The following BYSL variants were observed in gnomAD, a reference collection of about 807,000 sequenced individuals.
The protein encoded by BYSL is bystin like.
A neutral mutation model predicts 45.4 loss-of-function variants in BYSL; 21 were observed. The ratio of observed to expected loss-of-function variants is 0.46; its 90% CI spans 0.33 to 0.67. The LOEUF (loss-of-function observed/expected upper bound fraction) is 0.67, where lower values mean the gene tolerates loss of function less well. Among genes scored for constraint, BYSL ranks in the 30% least tolerant of loss-of-function variants. The pLI is 0.02. For synonymous variants in BYSL, 215 were observed against 231.3 expected (o/e 0.93, Z 0.64); for missense variants, 522 against 578.5 (o/e 0.90, Z 1.00).
At chr6:41,909,918 T>C in the BYSL span, among the ~76,000 whole-genome samples, 1 of 152,176 alleles carries the variant, frequency 6.6e-6, no homozygotes, top group Non-Finnish European at 1.5e-5. Flanking sequence ...GTAACAGCAT[T>C]TGGGCATGCC....
At chr6:41,925,070 C>G (rs1013975397) in intron 1 of BYSL, among the ~76,000 whole-genome samples, 4 of 151,966 alleles carry the variant, frequency 2.6e-5, no homozygotes, top group Non-Finnish European at 5.9e-5. Flanking sequence ...TAGTTGATAA[C>G]GGGTGAGATT....
the BYSL span, among the ~76,000 whole-genome samples, chr6:41,910,938 G>A: frequency 2.1e-4 from 32 of 151,598 alleles, no homozygotes; most frequent in East Asian, 3.4e-3. Context: ...GTAAAACCTC[G>A]TGTCTACTAA....
chr6:41,930,044 G>A, intron 2 of BYSL, 88 bp from the exon 3 acceptor site: 1 of 1,530,162 alleles, frequency 6.5e-7, no homozygotes, highest in Non-Finnish European at 9.0e-7. Flanking sequence ...TGCTCACAGG[G>A]GACTGTGGGG....
At chr6:41,916,401 G>A in the BYSL span, among the ~76,000 whole-genome samples, 2 of 152,080 alleles carry the variant, frequency 1.3e-5, no homozygotes, top group Non-Finnish European at 2.9e-5. Flanking sequence ...CCCACACAGA[G>A]AAACCCCATA....
At chr6:41,930,807 G>A (rs373193642) in intron 4 of BYSL, 39 bp downstream of exon 4, 119 of 1,590,726 alleles carry the variant, frequency 7.5e-5, no homozygotes, top group Non-Finnish European at 1.0e-4. Flanking sequence ...GGGTTTATAG[G>A]TGCAGGCTGA....
chr6:41,927,617 C>T, intron 2 of BYSL, 81 bp downstream of exon 2: 2 of 1,550,988 alleles, frequency 1.3e-6, no homozygotes, highest in Non-Finnish European at 1.8e-6. Context: ...CTTATGATTC[C>T]CTACCTTTGG....
upstream of BYSL, chr6:41,921,288 C>T: frequency 3.3e-6 from 2 of 611,000 alleles, no homozygotes; most frequent in Non-Finnish European, 5.6e-6. Flanking sequence ...CACTCTAGGC[C>T]TACATCCATG....
the BYSL span, chr6:41,909,242 CTGCTCCTAT>C: frequency 6.2e-7 from 1 of 1,607,186 alleles, no homozygotes; most frequent in East Asian, 2.2e-5. Flanking sequence ...TCAGAACATC[CTGCTCCTAT>C]TTTCACCAAG....
the BYSL span, chr6:41,908,841 T>C: frequency 2.6e-5 from 5 of 191,980 alleles, no homozygotes; most frequent in African/African-American, 9.3e-5. Flanking sequence ...AGAGGAAGCA[T>C]AGATGCCTTG....
upstream of BYSL, among the ~76,000 whole-genome samples, chr6:41,918,947 C>T (rs1775387745): frequency 9.5e-6 from 1 of 105,176 alleles, no homozygotes; most frequent in Non-Finnish European, 1.9e-5. Flanking sequence ...GAGCGAGACT[C>T]CGTCTCAAAA....
rs1306484809 is a variant in BYSL at position 41,925,629 on chromosome 6, C to T, written c.269-1745C>T. On this transcript the variant is annotated intron_variant, in intron 1 of 6. Transcript: ENST00000230340. ...CCGCCCGCCTTGGCCTCTCTAAGTG[C>T]TGGGATTACAGGCGTGAGCCACCGC... Among the ~76,000 whole-genome samples the T allele has an allele frequency of 2.0e-5, 3 of 151,946 alleles. No homozygotes were observed. The South Asian group carries it at 6.2e-4, about 32-fold the overall frequency.
rs541362943 is a variant in BYSL at position 41,927,247 on chromosome 6, C to T, written c.269-127C>T. 8 of 1,145,628 alleles carry T rather than the reference C, an allele frequency of 7.0e-6. No homozygotes were observed. In the South Asian group the frequency reaches 1.3e-4, roughly 18 times the overall value. The allele number at this position is 1,145,628 out of a possible 1,614,324, so 71.0% of individuals were successfully genotyped here. A position where few individuals can be genotyped will look rare whatever the true frequency, so the allele number is the denominator to read the frequency against. On this transcript the variant is annotated intron_variant, in intron 1 of 6. Transcript: ENST00000230340. ...GGACAGGGAGCTAATGCATTTGTTT[C>T]ACTGCACATACCTGCGTCTATCACA...
intron 2 of BYSL, among the ~76,000 whole-genome samples, chr6:41,929,416 T>C (rs1454088400): frequency 6.6e-6 from 1 of 152,176 alleles, no homozygotes; most frequent in African/African-American, 2.4e-5. Flanking sequence ...GAAGATCGCT[T>C]GAGCCAGAGA....
upstream of BYSL, among the ~76,000 whole-genome samples, chr6:41,918,846 C>G (rs887907159): frequency 6.7e-6 from 1 of 149,164 alleles, no homozygotes; most frequent in Non-Finnish European, 1.5e-5. Context: ...ACTCGGGAGG[C>G]TGAGGCAGGA....
At chr6:41,910,403 G>A in the BYSL span, among the ~76,000 whole-genome samples, 2 of 152,108 alleles carry the variant, frequency 1.3e-5, no homozygotes, top group East Asian at 1.9e-4. Flanking sequence ...AGGCTGAGGC[G>A]GGTGGATCAC....
At position 41,921,620 on chromosome 6, in the gene BYSL, G is replaced by T; in HGVS notation, c.58G>T (p.Ala20Ser). The T allele has an allele frequency of 6.2e-7, 1 of 1,612,518 alleles. No individual in the cohort carries two copies. The highest frequency in any genetic ancestry group is 8.5e-7 in the Non-Finnish European group (1 of 1,179,116). ...GGGTCAGGAAAAACATGCGCCCCTG[G>T]CCGATCAGATCCTGGCTGGGAATGC... The part of the protein sequence containing the change: ...VGGQEKHAPL[A>S]DQILAGNAVR... Residue 20 changes from alanine (A) to serine (S), a missense_variant, in exon 1 of 7, where the codon GCC becomes TCC. Physicochemically the swap from Ala to Ser is moderately conservative, Grantham distance 99. Coordinates refer to ENST00000230340, the MANE Select transcript of BYSL (RefSeq NM_004053.4).
intron 2 of BYSL, among the ~76,000 whole-genome samples, 196 bp from the exon 3 acceptor site, chr6:41,929,936 G>T (rs753100686): frequency 2.0e-5 from 3 of 152,238 alleles, no homozygotes; most frequent in Non-Finnish European, 4.4e-5. Context: ...ATGACTTTCA[G>T]TTCCTTTGCA....
At position 41,927,554 on chromosome 6, in the gene BYSL, G is replaced by A; in HGVS notation, c.431+18G>A. 6.2e-7 allele frequency: 1 copy of A among 1,611,728 alleles called. No homozygotes were observed. Among genetic ancestry groups the A allele is most frequent in the Non-Finnish European group, 8.5e-7 (1 of 1,178,206 alleles). On this transcript the variant is annotated intron_variant, in intron 2 of 6. Coordinates refer to ENST00000230340, the MANE Select transcript of BYSL (RefSeq NM_004053.4). ...CCTGCCAGGTAGGCCTGGGGATTTGGGATAATGAGTCCTTGTAGAAAGTTC... is the reference window on the plus strand; with the variant it reads ...CCTGCCAGGTAGGCCTGGGGATTTGAGATAATGAGTCCTTGTAGAAAGTTC...
At chr6:41,921,154 C>T, upstream of BYSL, 1 of 1,167,166 alleles carries the variant, frequency 8.6e-7, no homozygotes, top group Non-Finnish European at 1.2e-6. Context: ...AAACAGAGCG[C>T]CGGGTCCACG....
Sources: gnomAD v4.1 joint callset for allele counts (sites outside exome capture counted in the v4.1 genomes callset) on GRCh38, gnomAD v4.1.1 for gene constraint, MANE v1.5 for transcripts, NCBI Gene and HGNC (gene_info 2026-07-23, HGNC 2026-07-21) for gene names.